TMEM267: variants seen among roughly 807,000 people sequenced by gnomAD.
TMEM267 encodes the protein transmembrane protein 267.
TMEM267 carries 20 observed loss-of-function variants against 19.3 expected under a neutral mutation model. That is an observed-to-expected ratio of 1.04 (90% CI 0.73 to 1.51). The LOEUF (loss-of-function observed/expected upper bound fraction) is 1.51, where lower values mean the gene tolerates loss of function less well. Among genes scored for constraint, TMEM267 ranks in the 40% most tolerant of loss-of-function variants. TMEM267 has a pLI of 0.00. For missense variants in TMEM267, 242 were observed against 261.9 expected (o/e 0.92, Z 0.52); for synonymous variants, 88 against 90.3 (o/e 0.97, Z 0.15).
At chr5:43,479,538 C>A (rs1744631669) in intron 1 of TMEM267, among the ~76,000 whole-genome samples, 1 of 151,746 alleles carries the variant, frequency 6.6e-6, no homozygotes, top group Non-Finnish European at 1.5e-5. Context: ...TATTAATATG[C>A]ACATTAAATA....
chr5:43,454,083 G>A (rs1034571636), intron 1 of TMEM267, 40 bp from the exon 2 acceptor site: 9 of 1,335,024 alleles, frequency 6.7e-6, no homozygotes, highest in Admixed American at 2.7e-5. Flanking sequence ...TGAAGATTAT[G>A]GACTACCATA....
At chr5:43,468,164 A>G (rs902202490) in intron 1 of TMEM267, among the ~76,000 whole-genome samples, 2 of 152,146 alleles carry the variant, frequency 1.3e-5, no homozygotes, top group Non-Finnish European at 2.9e-5. Context: ...TTACAGAAGT[A>G]AAGTAGGCAA....
chr5:43,446,165 G>T lies in TMEM267; in HGVS notation c.*57C>A. ...ATTTTTAAAAATTAACTTTAATGTT[G>T]GCTACTCTTAATTATCATCATCTGA... is the stretch of plus-strand genomic sequence containing the variant. On this transcript the variant is annotated 3_prime_UTR_variant, in exon 3 of 3. Transcript: ENST00000397080. The T allele has an allele frequency of 9.5e-7, 1 of 1,047,174 alleles. No individual in the cohort carries two copies. Among genetic ancestry groups the T allele is most frequent in the Non-Finnish European group, 1.4e-6 (1 of 708,148 alleles). 64.9% of individuals were successfully genotyped at this position (1,047,174 alleles called of 1,614,324 possible). A position where few individuals can be genotyped will look rare whatever the true frequency, so the allele number is the denominator to read the frequency against.
At chr5:43,458,803 C>G (rs1743096342) in intron 1 of TMEM267, among the ~76,000 whole-genome samples, 1 of 151,850 alleles carries the variant, frequency 6.6e-6, no homozygotes, top group Non-Finnish European at 1.5e-5. Flanking sequence ...GTTGATTACC[C>G]AAATAAAAAC....
intron 1 of TMEM267, among the ~76,000 whole-genome samples, chr5:43,460,712 T>C (rs964177174): frequency 6.6e-6 from 1 of 152,118 alleles, no homozygotes; most frequent in Non-Finnish European, 1.5e-5. Context: ...GCTGTCCTGT[T>C]AGAGCAGAAA....
chr5:43,478,691 A>C (rs551148469), intron 1 of TMEM267, among the ~76,000 whole-genome samples: 1 of 152,322 alleles, frequency 6.6e-6, no homozygotes, highest in Admixed American at 6.5e-5. Context: ...TACAGAAATA[A>C]GCATCCCAAT....
rs906622334 is a variant in TMEM267 at position 43,474,371 on chromosome 5, G to C, written c.-75+9451C>G. Among the ~76,000 whole-genome samples, 3 of 152,134 alleles carry C rather than the reference G, an allele frequency of 2.0e-5. No homozygotes were observed. In the South Asian group the frequency reaches 6.2e-4, roughly 32 times the overall value. On this transcript the variant is annotated intron_variant, in intron 1 of 2. Coordinates refer to ENST00000397080, the MANE Select transcript of TMEM267 (RefSeq NM_022483.5). ...TTTGCAATCTATCCAACTGAAAAAG[G>C]GCTAATATCCAGAATCTACAGAGAA...
chr5:43,453,547 T>C (rs753895076), intron 2 of TMEM267, 111 bp downstream of exon 2: 7 of 935,376 alleles, frequency 7.5e-6, no homozygotes, highest in Non-Finnish European at 1.1e-5. Context: ...TACATGAATG[T>C]GCTTTCCTAT....
At chr5:43,483,616 G>A (rs1206309999) in intron 1 of TMEM267, among the ~76,000 whole-genome samples, 2 of 152,176 alleles carry the variant, frequency 1.3e-5, no homozygotes, top group African/African-American at 2.4e-5. Flanking sequence ...CCGCGGGACG[G>A]TGCCGGCTCG....
rs67848213 is a variant in TMEM267 at position 43,476,508 on chromosome 5, C to CTTTTTTTTTTTTTT, written c.-75+7300_-75+7313dup. 1.1e-4 allele frequency among the ~76,000 whole-genome samples: 6 copies of CTTTTTTTTTTTTTT among 54,798 alleles called. 1 individual carries two copies. The highest frequency in any genetic ancestry group is 1.6e-4 in the African/African-American group (2 of 12,804). The allele number at this position is 54,798 out of a possible 152,430, so 35.9% of individuals were successfully genotyped here. On this transcript the variant is annotated intron_variant, in intron 1 of 2. Transcript: ENST00000397080. ...ATCCTAACTGATACAAAAGCCAGAC[C>CTTTTTTTTTTTTTT]TTTTTTTTTTTTTTTTTTTTTTTTT...
chr5:43,455,938 A>T (rs537409940), intron 1 of TMEM267, among the ~76,000 whole-genome samples: 12 of 151,588 alleles, frequency 7.9e-5, no homozygotes, highest in Non-Finnish European at 1.3e-4. Context: ...CACGTTTAAG[A>T]AGTTCTCCTA....
At chr5:43,456,507 T>A (rs1742962733) in intron 1 of TMEM267, among the ~76,000 whole-genome samples, 1 of 152,168 alleles carries the variant, frequency 6.6e-6, no homozygotes, top group Non-Finnish European at 1.5e-5. Context: ...TTAAATCTTA[T>A]ATCTGATAAA....
At chr5:43,449,898 T>A (rs948192409) in intron 2 of TMEM267, among the ~76,000 whole-genome samples, 1 of 152,220 alleles carries the variant, frequency 6.6e-6, no homozygotes, top group Non-Finnish European at 1.5e-5. Flanking sequence ...CACTCTTATT[T>A]GTGAATTAAC....
intron 1 of TMEM267, among the ~76,000 whole-genome samples, chr5:43,464,255 G>A (rs1743473522): frequency 6.6e-6 from 1 of 151,860 alleles, no homozygotes; most frequent in Admixed American, 6.5e-5. Flanking sequence ...CAAGGGATGT[G>A]AAGGACCTCT....
chr5:43,463,712 T>C (rs1363416534), intron 1 of TMEM267, among the ~76,000 whole-genome samples: 1 of 152,224 alleles, frequency 6.6e-6, no homozygotes, highest in African/African-American at 2.4e-5. Flanking sequence ...ACCACATGAT[T>C]ATCTCAACAG....
chr5:43,483,184 C>A (rs1300095200), intron 1 of TMEM267, among the ~76,000 whole-genome samples: 4 of 152,220 alleles, frequency 2.6e-5, no homozygotes, highest in Non-Finnish European at 4.4e-5. Flanking sequence ...TGCTTACTTT[C>A]ACTGAAACTT....
chr5:43,446,578 C>A, intron 2 of TMEM267, 21 bp from the exon 3 acceptor site: 3 of 1,491,160 alleles, frequency 2.0e-6, no homozygotes, highest in Admixed American at 2.1e-5. Context: ...AAAGTAATAG[C>A]GAGTATCATT....
At chr5:43,480,242 G>C (rs79736093) in intron 1 of TMEM267, among the ~76,000 whole-genome samples, 1 of 151,988 alleles carries the variant, frequency 6.6e-6, no homozygotes, top group African/African-American at 2.4e-5. Context: ...ACCTAGGCTG[G>C]GCACAGACTA....
At chr5:43,470,278 A>T (rs1169029452) in intron 1 of TMEM267, among the ~76,000 whole-genome samples, 2 of 152,066 alleles carry the variant, frequency 1.3e-5, no homozygotes, top group African/African-American at 4.8e-5. Flanking sequence ...AAGTAGCTGG[A>T]ATTACAGGCA....
Sources: allele counts gnomAD v4.1 joint callset (sites outside exome capture counted in the v4.1 genomes callset), GRCh38; gene constraint gnomAD v4.1.1; transcripts MANE v1.5; gene names NCBI Gene and HGNC (gene_info 2026-07-23, HGNC 2026-07-21).